Variants in HIVEP3 observed in about 807,000 individuals in gnomAD.
HIVEP3 encodes the protein transcription factor HIVEP3.
Under a neutral mutation model 152.8 loss-of-function variants are expected in HIVEP3, and 49 were observed. The ratio of observed to expected loss-of-function variants is 0.32; its 90% confidence interval spans 0.26 to 0.41. The LOEUF is 0.41. Ranked by LOEUF, HIVEP3 falls within the 10% of genes least tolerant of loss-of-function variation. The probability of loss-of-function intolerance (pLI) is 1.00; values close to 1 mark genes in which losing one functional copy is unlikely to be tolerated. For missense variants in HIVEP3, 2,790 were observed against 3,103.3 expected, an observed-to-expected ratio of 0.90 and a Z score of 2.40; for synonymous variants, 1,269 against 1,289.0, an observed-to-expected ratio of 0.98 and a Z score of 0.33.
intron 3 of HIVEP3, among the ~76,000 whole-genome samples, chr1:41,592,092 C>G (rs2149116418): frequency 6.6e-6 from 1 of 152,268 alleles, no homozygotes. Context: ...GGGGGCTGAG[C>G]ACCTGGGTCT....
chr1:41,517,575 ACT>A (rs146885954), intron 7 of HIVEP3, among the ~76,000 whole-genome samples: 15,977 of 152,158 alleles, frequency 0.11, 2,754 homozygotes, highest in African/African-American at 0.36. Flanking sequence ...TCTCTGTCAC[ACT>A]CTAAGTCCTG....
At chr1:41,866,551 G>A (rs534545035) in intron 1 of HIVEP3, among the ~76,000 whole-genome samples, 1 of 36,704 alleles carries the variant, frequency 2.7e-5, no homozygotes, top group East Asian at 0.031. Flanking sequence ...CTGGACCCAG[G>A]ACCAAGCCTG....
chr1:41,876,564 TTATC>T, intron 1 of HIVEP3, among the ~76,000 whole-genome samples: 1 of 152,208 alleles, frequency 6.6e-6, no homozygotes, highest in East Asian at 1.9e-4. Flanking sequence ...GCTATCATTA[TTATC>T]TATTATTATT....
chr1:41,908,900 T>G (rs537992347), intron 1 of HIVEP3, among the ~76,000 whole-genome samples: 1 of 152,078 alleles, frequency 6.6e-6, no homozygotes, highest in Admixed American at 6.5e-5. Flanking sequence ...TCCCATAACA[T>G]AAAGGATACT....
At chr1:41,811,716 G>A (rs111972245) in intron 1 of HIVEP3, among the ~76,000 whole-genome samples, 405 of 151,982 alleles carry the variant, frequency 2.7e-3, no homozygotes, top group African/African-American at 9.3e-3. Flanking sequence ...AAGGCGAAAC[G>A]TCAGGAGAGG....
chr1:41,983,014 T>A (rs660972), intron 1 of HIVEP3, among the ~76,000 whole-genome samples: 151,412 of 152,362 alleles, frequency 0.99, 75,239 homozygotes, highest in Middle Eastern at 1. Flanking sequence ...ATGATCAGGC[T>A]TTAGTTTGAT....
At chr1:41,974,799 C>T (rs968547046) in intron 1 of HIVEP3, among the ~76,000 whole-genome samples, 7 of 152,056 alleles carry the variant, frequency 4.6e-5, no homozygotes, top group African/African-American at 1.2e-4. Flanking sequence ...GAGCAGAGGC[C>T]GTACCTATGG....
At chr1:41,599,745 T>C (rs1030787352) in intron 3 of HIVEP3, among the ~76,000 whole-genome samples, 1 of 152,104 alleles carries the variant, frequency 6.6e-6, no homozygotes, top group Non-Finnish European at 1.5e-5. Context: ...ACATCAAAAT[T>C]TAAAATCTTC....
chr1:41,544,652 TACCACCACTACTACCACCACC>T (rs1643622501), intron 5 of HIVEP3, among the ~76,000 whole-genome samples: 1 of 100,268 alleles, frequency 1.0e-5, no homozygotes. Context: ...CCACCACCAC[TACCACCACTACTACCACCACC>T]ACCACCTCTA....
intron 2 of HIVEP3, among the ~76,000 whole-genome samples, chr1:41,635,377 A>C (rs1645253040): frequency 6.6e-6 from 1 of 152,030 alleles, no homozygotes; most frequent in South Asian, 2.1e-4. Context: ...TTAAGCACAT[A>C]ACCCAAGAAA....
chr1:41,660,116 G>T (rs1407899954), intron 2 of HIVEP3, among the ~76,000 whole-genome samples: 1 of 152,152 alleles, frequency 6.6e-6, no homozygotes, highest in Non-Finnish European at 1.5e-5. Context: ...GTGGGCTGTG[G>T]GTGTGTGCAC....
intron 1 of HIVEP3, among the ~76,000 whole-genome samples, chr1:41,911,472 C>T (rs184826553): frequency 1.1e-4 from 17 of 152,024 alleles, no homozygotes; most frequent in African/African-American, 3.1e-4. Context: ...CATATGACAC[C>T]ATAGAATTCT....
Position 41,524,855 on chromosome 1 carries a change from CAT to C in HIVEP3, c.5261_5262del (p.Tyr1754CysfsTer3), listed in dbSNP as rs1243696135. On this transcript the variant is annotated frameshift_variant, in exon 6 of 9. Coordinates refer to ENST00000372583, the MANE Select transcript of HIVEP3 (RefSeq NM_024503.5). LOFTEE classifies it high-confidence loss of function. ...VYVRGRGRGKYVCEECGIRCK... is the reference protein window; with the variant it reads ...VYVRGRGRGKXVCEECGIRCK... ...CAGCGAATTCCACACTCCTCACAAA[CAT>C]ATTTCCCTCGGCCGCGGCCTCGCAC... The C allele has an allele frequency of 2.5e-6, 4 of 1,614,172 alleles. No individual in the cohort carries two copies. The highest frequency in any genetic ancestry group is 3.4e-6 in the Non-Finnish European group (4 of 1,179,986).
intron 1 of HIVEP3, among the ~76,000 whole-genome samples, chr1:41,917,908 C>A (rs1644895750): frequency 6.6e-6 from 1 of 152,220 alleles, no homozygotes; most frequent in Admixed American, 6.5e-5. Flanking sequence ...CACTCTCAAC[C>A]AAGCAGGCTA....
chr1:41,665,035 G>A (rs997829317), intron 2 of HIVEP3, among the ~76,000 whole-genome samples: 2 of 152,340 alleles, frequency 1.3e-5, no homozygotes, highest in South Asian at 2.1e-4. Flanking sequence ...CCCCAGGCCA[G>A]GAGTGTCAGC....
chr1:42,031,142 A>G (rs1426559323), intron 1 of HIVEP3, among the ~76,000 whole-genome samples: 1 of 152,218 alleles, frequency 6.6e-6, no homozygotes, highest in East Asian at 1.9e-4. Context: ...TTTCAAAAGT[A>G]TTCTGGAAGA....
chr1:41,612,715 C>T (rs939354537), intron 3 of HIVEP3, among the ~76,000 whole-genome samples: 2 of 152,168 alleles, frequency 1.3e-5, no homozygotes, highest in Non-Finnish European at 2.9e-5. Context: ...GTATCCTGAA[C>T]TCAGGGGACC....
chr1:41,691,311 G>C (rs960574840), intron 2 of HIVEP3, among the ~76,000 whole-genome samples: 5 of 152,104 alleles, frequency 3.3e-5, no homozygotes, highest in African/African-American at 1.2e-4. Context: ...AAAAGTTAAA[G>C]CATTATCAGT....
intron 1 of HIVEP3, among the ~76,000 whole-genome samples, chr1:41,997,285 G>T (rs1257143561): frequency 6.6e-6 from 1 of 152,214 alleles, no homozygotes; most frequent in Non-Finnish European, 1.5e-5. Flanking sequence ...ATAAATGTGT[G>T]GCCATGTGGC....
Sources: allele counts gnomAD v4.1 joint callset (sites outside exome capture counted in the v4.1 genomes callset), GRCh38; gene constraint gnomAD v4.1.1; transcripts MANE v1.5; gene names NCBI Gene and HGNC (gene_info 2026-07-23, HGNC 2026-07-21).